ATXN7: variants seen among roughly 807,000 people sequenced by gnomAD.
ATXN7 encodes the protein ataxin-7.
In ATXN7, 12 loss-of-function variants were observed where a neutral mutation model predicts 70.5. The observed-to-expected ratio is 0.17, with a 90% CI of 0.11 to 0.28. The LOEUF is 0.28. ATXN7 is among the 10% of genes least tolerant of loss of function. The pLI is 1.00. For synonymous variants in ATXN7, 498 were observed against 448.7 expected (o/e 1.11, Z -1.39); for missense variants, 1,256 against 1,131.7 (o/e 1.11, Z -1.58).
At chr3:63,941,084 C>G (rs1027408798) in intron 4 of ATXN7, among the ~76,000 whole-genome samples, 8 of 152,178 alleles carry the variant, frequency 5.3e-5, no homozygotes, top group African/African-American at 1.9e-4. Context: ...CTATCCCCAG[C>G]ATTTTATCTC....
intron 12 of ATXN7, chr3:63,997,536 TACTG>T (rs1408498874): frequency 1.4e-5 from 16 of 1,166,276 alleles, no homozygotes; most frequent in African/African-American, 4.6e-5. Flanking sequence ...TTCTGCCTGT[TACTG>T]ACCTCACCTG....
intron 1 of ATXN7, among the ~76,000 whole-genome samples, chr3:63,886,201 T>A (rs1371299610): frequency 6.6e-6 from 1 of 152,134 alleles, no homozygotes; most frequent in African/African-American, 2.4e-5. Context: ...CTAAAAACAT[T>A]GAACCACAGA....
At chr3:63,897,560 C>T (rs1018584918) in intron 1 of ATXN7, among the ~76,000 whole-genome samples, 4 of 152,100 alleles carry the variant, frequency 2.6e-5, no homozygotes, top group Admixed American at 2.6e-4. Context: ...AAAAGTTGAG[C>T]AAAGCACTAT....
chr3:63,986,546 G>A (rs559805166), intron 8 of ATXN7, among the ~76,000 whole-genome samples: 1 of 152,268 alleles, frequency 6.6e-6, no homozygotes, highest in East Asian at 1.9e-4. Context: ...AACACACGTT[G>A]GAGGGCCATT....
At chr3:63,893,698 TG>T (rs1309066103) in intron 1 of ATXN7, among the ~76,000 whole-genome samples, 1 of 152,214 alleles carries the variant, frequency 6.6e-6, no homozygotes, top group Non-Finnish European at 1.5e-5. Context: ...TCCTCACAAT[TG>T]GCCTTGGCTC....
chr3:63,996,780 A>G (rs1353014813), intron 12 of ATXN7: 3 of 411,956 alleles, frequency 7.3e-6, no homozygotes, highest in East Asian at 8.4e-5. Context: ...CAGCAAAATC[A>G]TAATTGGAGG....
At position 63,982,383 on chromosome 3, in the gene ATXN7, C is replaced by A; in HGVS notation, c.950C>A (p.Thr317Asn). The A allele has an allele frequency of 6.2e-7, 1 of 1,613,872 alleles. No individual in the cohort carries two copies. The highest frequency in any genetic ancestry group is 8.5e-7 in the Non-Finnish European group (1 of 1,179,784). Residue 317 changes from threonine to asparagine, a missense_variant, in exon 7 of 13, where the codon ACT becomes AAT. Coordinates refer to ENST00000674280, the MANE Select transcript of ATXN7 (RefSeq NM_001377405.1). ...GGCAAAGGGCTTCCTGCACCGCCCA[C>A]TCTGGAAAAGAAACCTGAAGACAAT... ...LNGKGLPAPP[T>N]LEKKPEDNSN...
intron 4 of ATXN7, among the ~76,000 whole-genome samples, chr3:63,949,699 A>G (rs143189253): frequency 0.011 from 1,651 of 152,234 alleles, 23 homozygotes; most frequent in African/African-American, 0.036. Flanking sequence ...CGCCTGGCCC[A>G]GGGAGCTCAG....
intron 6 of ATXN7, chr3:63,980,459 G>A: frequency 2.6e-6 from 1 of 380,092 alleles, no homozygotes. Flanking sequence ...CAACCCTATG[G>A]AATAGGTACT....
chr3:63,872,890 G>T (rs1035848588), intron 1 of ATXN7, among the ~76,000 whole-genome samples: 4 of 152,096 alleles, frequency 2.6e-5, no homozygotes, highest in Non-Finnish European at 5.9e-5. Context: ...CCTTAGAAAG[G>T]TTAAGTAACC....
At chr3:63,921,637 A>G (rs1158223787) in intron 4 of ATXN7, among the ~76,000 whole-genome samples, 1 of 152,140 alleles carries the variant, frequency 6.6e-6, no homozygotes, top group East Asian at 1.9e-4. Context: ...AAGAGGTTCC[A>G]TATGGCAAGT....
intron 11 of ATXN7, among the ~76,000 whole-genome samples, chr3:63,992,651 G>T (rs1012197758): frequency 3.3e-5 from 5 of 152,174 alleles, no homozygotes; most frequent in Non-Finnish European, 7.3e-5. Context: ...TTTTTAAAAA[G>T]TAAGATCATA....
At chr3:63,899,917 T>TA (rs1304428667) in intron 2 of ATXN7, among the ~76,000 whole-genome samples, 1 of 151,898 alleles carries the variant, frequency 6.6e-6, no homozygotes, top group East Asian at 1.9e-4. Context: ...GCGCCCGGCC[T>TA]AAAAAAAATT....
intron 5 of ATXN7, among the ~76,000 whole-genome samples, chr3:63,958,602 C>T (rs1349221947): frequency 6.6e-6 from 1 of 152,124 alleles, no homozygotes; most frequent in African/African-American, 2.4e-5. Context: ...GTAACAGGTT[C>T]AGATAGTTTT....
chr3:63,912,604 G>T lies in ATXN7; in HGVS notation c.6G>T (p.Ser2=). 1.8e-6 allele frequency: 2 copies of T among 1,099,838 alleles called. No homozygotes were observed. Among genetic ancestry groups the T allele is most frequent in the South Asian group, 2.6e-5 (1 of 39,006 alleles). 68.1% of individuals were successfully genotyped at this position (1,099,838 alleles called of 1,614,324 possible). ...ACATTGTAGGAGCGGAAAGAATGTC[G>T]GAGCGGGCCGCGGATGACGTCAGGG... The part of the protein sequence containing the change: M[S]ERAADDVRGE... The change falls in exon 3 of 13, where the codon TCG becomes TCT. Residue 2 remains serine, a synonymous_variant. Coordinates refer to ENST00000674280, the MANE Select transcript of ATXN7 (RefSeq NM_001377405.1).
At chr3:63,967,909 T>C in intron 5 of ATXN7, 1 of 1,535,916 alleles carries the variant, frequency 6.5e-7, no homozygotes, top group South Asian at 1.2e-5. Flanking sequence ...CCAAATTCTG[T>C]GAATGGAAGG....
intron 4 of ATXN7, among the ~76,000 whole-genome samples, chr3:63,925,745 C>T (rs979659508): frequency 1.3e-5 from 2 of 152,242 alleles, no homozygotes; most frequent in Admixed American, 6.5e-5. Flanking sequence ...CCTGTCAGAG[C>T]ACTGGGGTGA....
In ATXN7 at chr3:63,881,334, T is replaced by C. The variant is rs552180679; in HGVS notation, c.-110-17065T>C. 1.4e-4 allele frequency among the ~76,000 whole-genome samples: 22 copies of C among 152,274 alleles called. No homozygotes were observed. The South Asian group carries it at 4.6e-3, about 32-fold the overall frequency. ...CCTAAACCATTTTAGGGAATCGGTA[T>C]GGGATTAACTCTGCCTATTTGAAGA... is the stretch of plus-strand genomic sequence containing the variant. On this transcript the variant is annotated intron_variant, in intron 1 of 12. Coordinates refer to ENST00000674280, the MANE Select transcript of ATXN7 (RefSeq NM_001377405.1).
chr3:63,908,909 T>C (rs1352021005), intron 2 of ATXN7, among the ~76,000 whole-genome samples: 6 of 152,174 alleles, frequency 3.9e-5, no homozygotes, highest in Non-Finnish European at 8.8e-5. Flanking sequence ...AGGGATGAAA[T>C]GCACAGAATT....
Sources: allele counts gnomAD v4.1 joint callset (sites outside exome capture counted in the v4.1 genomes callset), GRCh38; gene constraint gnomAD v4.1.1; transcripts MANE v1.5; gene names NCBI Gene and HGNC (gene_info 2026-07-23, HGNC 2026-07-21).